The following RSBN1L variants were observed in gnomAD, a reference collection of about 807,000 sequenced individuals.
RSBN1L encodes the protein round spermatid basic protein 1 like, also known as lysine-specific demethylase RSBN1L.
In RSBN1L, 30 loss-of-function variants were observed where a neutral mutation model predicts 67.7. The ratio of observed to expected loss-of-function variants is 0.44; its 90% CI spans 0.33 to 0.60. The LOEUF (loss-of-function observed/expected upper bound fraction) is 0.60. Ranked by LOEUF, RSBN1L falls within the 20% of genes least tolerant of loss-of-function variation. RSBN1L has a pLI of 0.02. For missense variants in RSBN1L, 992 were observed against 1,031.7 expected, an observed-to-expected ratio of 0.96 and a Z score of 0.53; for synonymous variants, 433 against 387.0, an observed-to-expected ratio of 1.12 and a Z score of -1.39.
intron 1 of RSBN1L, among the ~76,000 whole-genome samples, chr7:77,735,396 A>G (rs1183029301): frequency 6.6e-6 from 1 of 152,170 alleles, no homozygotes; most frequent in African/African-American, 2.4e-5. Flanking sequence ...CATTGGGTTA[A>G]GCAAAATATA....
At chr7:77,761,106 CGTA>C (rs1279210618) in intron 3 of RSBN1L, among the ~76,000 whole-genome samples, 1 of 152,120 alleles carries the variant, frequency 6.6e-6, no homozygotes, top group Non-Finnish European at 1.5e-5. Flanking sequence ...TTAATGGAAA[CGTA>C]GTTTTAAGTA....
intron 3 of RSBN1L, among the ~76,000 whole-genome samples, chr7:77,757,862 T>A (rs1395434882): frequency 6.6e-6 from 1 of 152,174 alleles, no homozygotes; most frequent in Non-Finnish European, 1.5e-5. Context: ...AGCTTCTGCT[T>A]GTGTTGTGTT....
At chr7:77,741,691 C>CAAA (rs534456779) in intron 2 of RSBN1L, among the ~76,000 whole-genome samples, 5 of 83,664 alleles carry the variant, frequency 6.0e-5, no homozygotes, top group South Asian at 4.2e-4. Context: ...GACTCGGTCT[C>CAAA]AAAAAAAAAA....
At chr7:77,720,020 C>T (rs886971128) in intron 1 of RSBN1L, among the ~76,000 whole-genome samples, 1 of 152,204 alleles carries the variant, frequency 6.6e-6, no homozygotes, top group Non-Finnish European at 1.5e-5. Context: ...CCACCTTGTC[C>T]TCCAAAGTGC....
At chr7:77,700,669 A>G (rs1790804205) in intron 1 of RSBN1L, among the ~76,000 whole-genome samples, 1 of 152,218 alleles carries the variant, frequency 6.6e-6, no homozygotes, top group Non-Finnish European at 1.5e-5. Context: ...GTCTCTGCTG[A>G]GGGAATAATT....
chr7:77,755,599 G>A (rs1395245960), intron 3 of RSBN1L, among the ~76,000 whole-genome samples: 3 of 152,050 alleles, frequency 2.0e-5, no homozygotes, highest in Admixed American at 6.6e-5. Context: ...CCCTGGAGGC[G>A]GAGGTTGCAG....
At chr7:77,706,903 A>G (rs1474843171) in intron 1 of RSBN1L, among the ~76,000 whole-genome samples, 1 of 152,218 alleles carries the variant, frequency 6.6e-6, no homozygotes, top group Admixed American at 6.5e-5. Context: ...GTTTTTAAAT[A>G]TAGCAAATAT....
intron 6 of RSBN1L, among the ~76,000 whole-genome samples, chr7:77,776,579 C>G (rs1019428197): frequency 1.3e-5 from 2 of 152,156 alleles, no homozygotes; most frequent in Non-Finnish European, 2.9e-5. Context: ...GAAGGTTATT[C>G]CATATAGTTT....
chr7:77,741,749 C>G (rs1227687504), intron 2 of RSBN1L, among the ~76,000 whole-genome samples: 1 of 151,546 alleles, frequency 6.6e-6, no homozygotes, highest in African/African-American at 2.4e-5. Flanking sequence ...TTTAAATACT[C>G]TTTAGTGTAG....
At chr7:77,723,349 C>T (rs1341339223) in intron 1 of RSBN1L, among the ~76,000 whole-genome samples, 1 of 152,052 alleles carries the variant, frequency 6.6e-6, no homozygotes, top group East Asian at 1.9e-4. Context: ...AAAGAATTTC[C>T]TATACATCAA....
At position 77,779,086 on chromosome 7, in the gene RSBN1L, G is replaced by A. The variant is rs769898225; in HGVS notation, c.2459G>A (p.Gly820Glu). 1 of 1,613,184 alleles carries A rather than the reference G, an allele frequency of 6.2e-7. No homozygotes were observed. Among genetic ancestry groups the A allele is most frequent in the Non-Finnish European group, 8.5e-7 (1 of 1,179,268 alleles). Residue 820 changes from glycine (G) to glutamate (E), a missense_variant, in exon 8 of 8, where the codon GGA (glycine) becomes GAA (glutamate). Around this residue, in one of 7 missense-constraint regions of RSBN1L, gnomAD observed 199 missense variants for 167.7 expected, o/e 1.19. Transcript: ENST00000334955. ...GATTTAAAGGAAGAATTGTGCCCTG[G>A]AAATCTAAGTCTAGTTGATACAAGG... ...NKDLKEELCPGNLSLVDTRQH... is the reference protein window; with the variant it reads ...NKDLKEELCPENLSLVDTRQH...
intron 1 of RSBN1L, among the ~76,000 whole-genome samples, chr7:77,716,290 T>C (rs1791047135): frequency 6.6e-6 from 1 of 152,180 alleles, no homozygotes; most frequent in Non-Finnish European, 1.5e-5. Context: ...AGATTCCCTT[T>C]GTCTTTTTCT....
At chr7:77,737,353 A>G (rs904519105) in intron 2 of RSBN1L, among the ~76,000 whole-genome samples, 2 of 152,198 alleles carry the variant, frequency 1.3e-5, no homozygotes, top group Non-Finnish European at 2.9e-5. Flanking sequence ...TTAATTGTTG[A>G]TAAGGCTTTA....
chr7:77,762,342 A>G (rs918670496), intron 3 of RSBN1L, among the ~76,000 whole-genome samples: 4 of 152,280 alleles, frequency 2.6e-5, no homozygotes, highest in African/African-American at 9.6e-5. Flanking sequence ...GCCTCTTCTT[A>G]GGTAGTGCCC....
At chr7:77,748,959 A>C (rs894671145) in intron 2 of RSBN1L, among the ~76,000 whole-genome samples, 20 of 151,362 alleles carry the variant, frequency 1.3e-4, no homozygotes, top group South Asian at 1.1e-3. Context: ...CGCTGTGTAC[A>C]TGAAGAGACT....
chr7:77,775,860 A>G (rs1337594149), intron 6 of RSBN1L, among the ~76,000 whole-genome samples: 2 of 152,206 alleles, frequency 1.3e-5, no homozygotes, highest in Non-Finnish European at 2.9e-5. Flanking sequence ...GTTCCAGACC[A>G]GCCTGGGCAA....
intron 1 of RSBN1L, among the ~76,000 whole-genome samples, chr7:77,719,201 CAATTG>C (rs894599186): frequency 2.0e-5 from 3 of 152,210 alleles, no homozygotes; most frequent in Middle Eastern, 3.4e-3. Context: ...GAGCACATTC[CAATTG>C]AATTAAGATT....
At chr7:77,729,844 C>G (rs1364088240) in intron 1 of RSBN1L, among the ~76,000 whole-genome samples, 1 of 152,070 alleles carries the variant, frequency 6.6e-6, no homozygotes, top group Non-Finnish European at 1.5e-5. Context: ...GTCCCAGCTA[C>G]TTGAGGGGCT....
At chr7:77,701,544 C>T (rs1352136900) in intron 1 of RSBN1L, among the ~76,000 whole-genome samples, 1 of 152,034 alleles carries the variant, frequency 6.6e-6, no homozygotes, top group African/African-American at 2.4e-5. Context: ...GTCTATTCTA[C>T]TATCTGGGGA....
Sources: gnomAD v4.1 joint callset for allele counts (sites outside exome capture counted in the v4.1 genomes callset) on GRCh38, gnomAD v4.1.1 for gene constraint, gnomAD v4.1.1 regional missense constraint, MANE v1.5 for transcripts, NCBI Gene and HGNC (gene_info 2026-07-23, HGNC 2026-07-21) for gene names.